The following AKR1C8 variants were observed in gnomAD, a reference collection of about 807,000 sequenced individuals.
AKR1C8 encodes the protein aldo-keto reductase family 1 member C-like protein 1.
the AKR1C8 span, among the ~76,000 whole-genome samples, chr10:5,170,236 GA>G: frequency 6.6e-6 from 1 of 152,110 alleles, no homozygotes. Flanking sequence ...CTTGTAGCAA[GA>G]AAAATTAGAA....
chr10:5,118,230 A>T, the AKR1C8 span, among the ~76,000 whole-genome samples: 430 of 152,328 alleles, frequency 2.8e-3, 3 homozygotes, highest in Middle Eastern at 6.8e-3. Context: ...GTTAACCAAA[A>T]AAAGGCAGGG....
the AKR1C8 span, among the ~76,000 whole-genome samples, chr10:5,166,952 A>AAC: frequency 6.7e-6 from 1 of 150,178 alleles, no homozygotes; most frequent in Non-Finnish European, 1.5e-5. Flanking sequence ...GAAAAAAAAA[A>AAC]CCCATCAAAA....
At chr10:5,153,639 T>G in the AKR1C8 span, among the ~76,000 whole-genome samples, 2 of 152,110 alleles carry the variant, frequency 1.3e-5, no homozygotes, top group Admixed American at 6.6e-5. Flanking sequence ...AGACGCGTCT[T>G]CATGTGGCCA....
At chr10:5,128,584 T>C in the AKR1C8 span, among the ~76,000 whole-genome samples, 8 of 151,690 alleles carry the variant, frequency 5.3e-5, no homozygotes, top group African/African-American at 1.5e-4. Flanking sequence ...GTTAAAAAGG[T>C]GGGAAAAGAG....
the AKR1C8 span, among the ~76,000 whole-genome samples, chr10:5,143,687 T>G: frequency 6.7e-6 from 1 of 148,564 alleles, no homozygotes; most frequent in African/African-American, 2.4e-5. Context: ...ATCTAACATA[T>G]ACTAGATATA....
At chr10:5,123,353 G>A in the AKR1C8 span, 1 of 291,182 alleles carries the variant, frequency 3.4e-6, no homozygotes, top group South Asian at 6.0e-5. Context: ...GTAGCACAGA[G>A]CAATCAGGGC....
At chr10:5,157,211 C>T in the AKR1C8 span, among the ~76,000 whole-genome samples, 182 of 138,056 alleles carry the variant, frequency 1.3e-3, 1 homozygote, top group African/African-American at 4.7e-3. Flanking sequence ...TCATGCCAGG[C>T]CAGGGGCTTT....
chr10:5,136,723 G>T, the AKR1C8 span, among the ~76,000 whole-genome samples: 59 of 152,256 alleles, frequency 3.9e-4, no homozygotes, highest in African/African-American at 1.3e-3. Flanking sequence ...AAAAATCCAG[G>T]ATGCAACTAT....
At chr10:5,169,569 G>A in the AKR1C8 span, among the ~76,000 whole-genome samples, 44 of 146,570 alleles carry the variant, frequency 3.0e-4, no homozygotes, top group Non-Finnish European at 4.8e-4. Context: ...AGTCAGAGGC[G>A]CATGTTTGGA....
chr10:5,149,531 C>A, the AKR1C8 span, among the ~76,000 whole-genome samples: 1 of 152,078 alleles, frequency 6.6e-6, no homozygotes, highest in Non-Finnish European at 1.5e-5. Flanking sequence ...TTTATTTTCT[C>A]TTTTTTGTGG....
chr10:5,122,602 A>T, the AKR1C8 span, among the ~76,000 whole-genome samples: 1 of 152,124 alleles, frequency 6.6e-6, no homozygotes, highest in Non-Finnish European at 1.5e-5. Flanking sequence ...CATTCAAGAA[A>T]CCAACCTAGA....
At chr10:5,157,627 A>C in the AKR1C8 span, 2 of 470,724 alleles carry the variant, frequency 4.2e-6, no homozygotes, top group South Asian at 3.1e-5. Flanking sequence ...ACTCTGCTCA[A>C]CCTTTACCTG....
chr10:5,175,837 T>C, the AKR1C8 span, among the ~76,000 whole-genome samples: 6 of 152,136 alleles, frequency 3.9e-5, no homozygotes, highest in African/African-American at 1.2e-4. Context: ...TGTTTTTTTC[T>C]TGTAAATTTG....
the AKR1C8 span, among the ~76,000 whole-genome samples, chr10:5,153,949 A>G: frequency 6.6e-6 from 1 of 152,200 alleles, no homozygotes; most frequent in Non-Finnish European, 1.5e-5. Context: ...TTTTTCTAAA[A>G]TTTATGGGTA....
chr10:5,177,106 C>G, the AKR1C8 span, among the ~76,000 whole-genome samples: 2 of 152,116 alleles, frequency 1.3e-5, no homozygotes, highest in Non-Finnish European at 1.5e-5. Flanking sequence ...ATGATATTAG[C>G]TGTGGGTTTG....
chr10:5,146,230 G>A, the AKR1C8 span, among the ~76,000 whole-genome samples: 2 of 150,834 alleles, frequency 1.3e-5, no homozygotes, highest in Admixed American at 6.6e-5. Context: ...GGATAGCATT[G>A]GGAGATATAC....
chr10:5,168,817 G>T, the AKR1C8 span, among the ~76,000 whole-genome samples: 1 of 152,116 alleles, frequency 6.6e-6, no homozygotes, highest in African/African-American at 2.4e-5. Flanking sequence ...TAGAGTTCTA[G>T]TGATCCCATA....
chr10:5,183,660 A>G, the AKR1C8 span, among the ~76,000 whole-genome samples: 1 of 152,182 alleles, frequency 6.6e-6, no homozygotes, highest in African/African-American at 2.4e-5. Context: ...TCTCCCTGAC[A>G]ATTAGGGACT....
chr10:5,143,956 GA>G, the AKR1C8 span, among the ~76,000 whole-genome samples: 1,249 of 151,972 alleles, frequency 8.2e-3, 14 homozygotes, highest in African/African-American at 0.028. Flanking sequence ...TTGACAATAT[GA>G]ACTGTTCTTA....
Sources: allele counts gnomAD v4.1 joint callset (sites outside exome capture counted in the v4.1 genomes callset), GRCh38; gene constraint gnomAD v4.1.1; transcripts MANE v1.5; gene names NCBI Gene and HGNC (gene_info 2026-07-23, HGNC 2026-07-21).